The following PRKCH variants were observed in gnomAD, a reference collection of about 807,000 sequenced individuals.
PRKCH encodes the protein protein kinase C eta, also known as protein kinase C eta type.
In PRKCH, 28 loss-of-function variants were observed where a neutral mutation model predicts 82.5. The ratio of observed to expected loss-of-function variants is 0.34; its 90% CI spans 0.25 to 0.47. PRKCH has a LOEUF of 0.47. PRKCH is among the 20% of genes least tolerant of loss of function. The pLI, the probability that PRKCH is intolerant of heterozygous loss-of-function variation, is 1.00. For synonymous variants in PRKCH, 322 were observed against 327.4 expected (o/e 0.98, Z 0.18); for missense variants, 705 against 881.8 (o/e 0.80, Z 2.54).
intron 12 of PRKCH, chr14:61,543,641 A>C (rs3783753): frequency 6.6e-6 from 1 of 152,196 alleles, no homozygotes; most frequent in African/African-American, 2.4e-5. Flanking sequence ...TCAGGGAGAA[A>C]GTCAGCTGAG....
intron 3 of PRKCH, among the ~76,000 whole-genome samples, chr14:61,444,075 T>C (rs1884100100): frequency 6.6e-6 from 1 of 152,230 alleles, no homozygotes; most frequent in African/African-American, 2.4e-5. Flanking sequence ...TTCTGAATGT[T>C]GATCAATTAC....
At chr14:61,438,667 T>A (rs1883796202) in intron 2 of PRKCH, among the ~76,000 whole-genome samples, 1 of 152,088 alleles carries the variant, frequency 6.6e-6, no homozygotes. Flanking sequence ...AGAGACATAC[T>A]CCTCATCCAC....
chr14:61,224,964 C>T (rs897525245), intron 1 of PRKCH, among the ~76,000 whole-genome samples: 3 of 152,214 alleles, frequency 2.0e-5, no homozygotes, highest in African/African-American at 7.2e-5. Flanking sequence ...CTCAACAGGA[C>T]TCACACATTG....
intron 1 of PRKCH, among the ~76,000 whole-genome samples, chr14:61,235,829 A>T (rs1324755298): frequency 6.6e-6 from 1 of 152,246 alleles, no homozygotes; most frequent in Non-Finnish European, 1.5e-5. Flanking sequence ...ACATGGTCAG[A>T]TAACATGTAT....
chr14:61,244,182 G>A (rs1018414907), intron 1 of PRKCH, among the ~76,000 whole-genome samples: 5 of 152,148 alleles, frequency 3.3e-5, no homozygotes, highest in African/African-American at 1.2e-4. Flanking sequence ...GAAATTTCAT[G>A]TGCCATGGAA....
At chr14:61,318,365 G>GTTTTTT (rs77878429), upstream of PRKCH, among the ~76,000 whole-genome samples, 7 of 126,328 alleles carry the variant, frequency 5.5e-5, no homozygotes, top group South Asian at 2.6e-4. Context: ...GTTTTAAAAA[G>GTTTTTT]TTTTTTTTTT....
chr14:61,546,862 G>C (rs2043264241), intron 12 of PRKCH, among the ~76,000 whole-genome samples: 1 of 152,194 alleles, frequency 6.6e-6, no homozygotes, highest in East Asian at 1.9e-4. Flanking sequence ...CCACACTCCG[G>C]CCATGAAAAG....
At chr14:61,526,608 G>A (rs997313118) in intron 10 of PRKCH, among the ~76,000 whole-genome samples, 9 of 152,234 alleles carry the variant, frequency 5.9e-5, no homozygotes, top group African/African-American at 1.9e-4. Context: ...CTCCAAGCCA[G>A]CAACGTGATC....
chr14:61,393,612 T>C (rs1049352898), intron 2 of PRKCH, among the ~76,000 whole-genome samples: 1 of 152,230 alleles, frequency 6.6e-6, no homozygotes, highest in African/African-American at 2.4e-5. Context: ...CTGGACCTCT[T>C]AGAGTTTCCC....
rs148883255 is a variant in PRKCH at position 61,324,845 on chromosome 14, A to C, written c.363+2381A>C. On this transcript the variant is annotated intron_variant, in intron 1 of 13. Coordinates refer to ENST00000332981, the MANE Select transcript of PRKCH (RefSeq NM_006255.5). ...GACATGTAGTTTATTCAGAGAGTTAAATGTGGAATAATTGAATTTACTCCA... is the reference window on the plus strand; with the variant it reads ...GACATGTAGTTTATTCAGAGAGTTACATGTGGAATAATTGAATTTACTCCA... Among the ~76,000 whole-genome samples, 5 of 152,284 alleles carry C rather than the reference A, an allele frequency of 3.3e-5. No individual in the cohort carries two copies. In the East Asian group the frequency reaches 9.6e-4, roughly 29 times the overall value.
intron 1 of PRKCH, among the ~76,000 whole-genome samples, chr14:61,382,280 A>C (rs189990528): frequency 5.5e-4 from 84 of 152,224 alleles, no homozygotes; most frequent in African/African-American, 2.0e-3. Flanking sequence ...AAATACAAAA[A>C]TTAGCTGGGC....
intron 1 of PRKCH, among the ~76,000 whole-genome samples, chr14:61,337,731 G>T (rs1412605161): frequency 6.6e-6 from 1 of 152,194 alleles, no homozygotes; most frequent in Non-Finnish European, 1.5e-5. Context: ...CCCACCTGGG[G>T]ACTCATTTGA....
At chr14:61,510,439 G>A (rs945690631) in intron 10 of PRKCH, among the ~76,000 whole-genome samples, 8 of 151,806 alleles carry the variant, frequency 5.3e-5, no homozygotes, top group Non-Finnish European at 1.0e-4. Flanking sequence ...GAGGGGGAGC[G>A]ATTCACATCG....
intron 1 of PRKCH, among the ~76,000 whole-genome samples, chr14:61,187,921 T>G (rs1189445224): frequency 1.3e-5 from 2 of 152,172 alleles, no homozygotes; most frequent in Non-Finnish European, 2.9e-5. Flanking sequence ...TGGCACATAG[T>G]GGGCACTTAA....
intron 1 of PRKCH, among the ~76,000 whole-genome samples, chr14:61,245,616 T>TCAAG (rs1158686130): frequency 7.9e-5 from 12 of 151,698 alleles, no homozygotes; most frequent in African/African-American, 2.9e-4. Context: ...CTGATGAGAA[T>TCAAG]TAAGTAGGCA....
At chr14:61,333,600 A>G (rs1371337664) in intron 1 of PRKCH, among the ~76,000 whole-genome samples, 2 of 152,074 alleles carry the variant, frequency 1.3e-5, no homozygotes, top group Non-Finnish European at 2.9e-5. Context: ...GAAATATACT[A>G]GATGATGACC....
intron 9 of PRKCH, among the ~76,000 whole-genome samples, chr14:61,466,537 G>C (rs902643445): frequency 2.6e-5 from 4 of 152,172 alleles, no homozygotes; most frequent in Admixed American, 1.3e-4. Context: ...ATCACAGGAA[G>C]GGGGAGCAGC....
chr14:61,250,766 G>C (rs186177993), intron 1 of PRKCH, among the ~76,000 whole-genome samples: 3 of 152,088 alleles, frequency 2.0e-5, no homozygotes, highest in African/African-American at 4.8e-5. Flanking sequence ...TAGGTTCATC[G>C]ATTGTAACAA....
At chr14:61,216,241 G>T (rs573874128) in intron 1 of PRKCH, among the ~76,000 whole-genome samples, 55 of 152,186 alleles carry the variant, frequency 3.6e-4, no homozygotes, top group African/African-American at 1.3e-3. Flanking sequence ...CGAGGAGGGC[G>T]GATCACCTAA....
Sources: gnomAD v4.1 joint callset for allele counts (sites outside exome capture counted in the v4.1 genomes callset) on GRCh38, gnomAD v4.1.1 for gene constraint, MANE v1.5 for transcripts, NCBI Gene and HGNC (gene_info 2026-07-23, HGNC 2026-07-21) for gene names.